Variants in COL4A4 observed in about 807,000 individuals in gnomAD.
COL4A4 encodes the protein collagen alpha-4(IV) chain.
Under a neutral mutation model 192.9 loss-of-function variants are expected in COL4A4, and 105 were observed. That is an observed-to-expected ratio of 0.54 (90% CI 0.46 to 0.64). COL4A4 has a LOEUF of 0.64. Among genes scored for constraint, COL4A4 ranks in the 30% least tolerant of loss-of-function variants. The pLI, the probability that COL4A4 is intolerant of heterozygous loss-of-function variation, is 0.00. For synonymous variants in COL4A4, 762 were observed against 769.9 expected, an observed-to-expected ratio of 0.99 and a Z score of 0.17; for missense variants, 1,967 against 2,169.3, an observed-to-expected ratio of 0.91 and a Z score of 1.85.
chr2:227,023,561 CAG>C (rs1966436611), intron 43 of COL4A4, among the ~76,000 whole-genome samples: 1 of 152,122 alleles, frequency 6.6e-6, no homozygotes, highest in Non-Finnish European at 1.5e-5. Context: ...GCAAACATCA[CAG>C]AGGGATAAGA....
intron 4 of COL4A4, among the ~76,000 whole-genome samples, chr2:227,124,055 T>C (rs1225413039): frequency 6.6e-6 from 1 of 152,198 alleles, no homozygotes; most frequent in Non-Finnish European, 1.5e-5. Flanking sequence ...ACTATTGTTA[T>C]TATATATTAT....
chr2:227,095,913 C>CA (rs1435342196), intron 19 of COL4A4, among the ~76,000 whole-genome samples: 34 of 150,678 alleles, frequency 2.3e-4, no homozygotes, highest in Admixed American at 4.6e-4. Context: ...CAAAAAGAAA[C>CA]AAAAAAAAAG....
At chr2:227,138,563 G>A (rs941812797) in intron 4 of COL4A4, among the ~76,000 whole-genome samples, 3 of 150,624 alleles carry the variant, frequency 2.0e-5, no homozygotes, top group Non-Finnish European at 4.4e-5. Flanking sequence ...AACCTGAGAG[G>A]CGGAGCGTGC....
chr2:227,083,670 T>C (rs1225890990), intron 22 of COL4A4, among the ~76,000 whole-genome samples: 1 of 152,144 alleles, frequency 6.6e-6, no homozygotes, highest in South Asian at 2.1e-4. Flanking sequence ...CCCAGGCTGG[T>C]CTCAAACTCC....
intron 4 of COL4A4, among the ~76,000 whole-genome samples, chr2:227,126,372 A>G (rs1416532065): frequency 2.0e-5 from 3 of 152,250 alleles, no homozygotes; most frequent in Admixed American, 2.0e-4. Context: ...GTTGGTTAAC[A>G]GTAATTATGC....
intron 12 of COL4A4, among the ~76,000 whole-genome samples, chr2:227,106,163 T>C (rs1576548785): frequency 1.3e-5 from 2 of 151,872 alleles, no homozygotes; most frequent in East Asian, 3.9e-4. Context: ...CCTAACACAG[T>C]GTTGGTGTAG....
intron 4 of COL4A4, among the ~76,000 whole-genome samples, chr2:227,124,639 G>A (rs140054070): frequency 1.8e-4 from 27 of 152,284 alleles, no homozygotes; most frequent in African/African-American, 6.3e-4. Context: ...AATACAAAGT[G>A]TAATTACGTG....
intron 37 of COL4A4, among the ~76,000 whole-genome samples, chr2:227,041,882 G>GA (rs1488463577): frequency 6.9e-6 from 1 of 145,548 alleles, no homozygotes; most frequent in African/African-American, 2.7e-5. Context: ...AAGAAAGAAA[G>GA]AAAGAAAGAA....
At chr2:227,041,900 AAG>A (rs1269042721) in intron 37 of COL4A4, among the ~76,000 whole-genome samples, 1 of 150,348 alleles carries the variant, frequency 6.7e-6, no homozygotes, top group South Asian at 2.1e-4. Flanking sequence ...GAAAGAAAGA[AAG>A]AAAGAAAGAA....
chr2:226,986,872 A>G, the COL4A4 span, among the ~76,000 whole-genome samples: 1 of 152,362 alleles, frequency 6.6e-6, no homozygotes, highest in African/African-American at 2.4e-5. Flanking sequence ...ATAAAGACAC[A>G]TGCACGTGTG....
At chr2:227,128,254 C>T (rs1454460639) in intron 4 of COL4A4, among the ~76,000 whole-genome samples, 2 of 152,224 alleles carry the variant, frequency 1.3e-5, no homozygotes, top group East Asian at 1.9e-4. Flanking sequence ...AAATCACGCT[C>T]ATGCCATGCC....
intron 37 of COL4A4, among the ~76,000 whole-genome samples, chr2:227,041,842 A>AAGAGAGAGAGAGAGAG (rs1271004493): frequency 1.6e-5 from 1 of 62,762 alleles, no homozygotes; most frequent in African/African-American, 8.6e-5. Flanking sequence ...GAAAGAAAGA[A>AAGAGAGAGAGAGAGAG]AGAAAGAGAA....
chr2:226,983,136 T>C, the COL4A4 span, among the ~76,000 whole-genome samples: 1 of 152,118 alleles, frequency 6.6e-6, no homozygotes. Context: ...TCAGAGTTTC[T>C]CAAAGTGGGG....
At chr2:227,013,154 G>A (rs1964160090) in intron 44 of COL4A4, among the ~76,000 whole-genome samples, 2 of 152,184 alleles carry the variant, frequency 1.3e-5, no homozygotes, top group African/African-American at 4.8e-5. Flanking sequence ...TCTCCCTTCG[G>A]TCAGGGGAGC....
chr2:226,997,854 T>G (rs1453629345), downstream of COL4A4: 7 of 152,224 alleles, frequency 4.6e-5, no homozygotes, highest in African/African-American at 1.7e-4. Flanking sequence ...TATAATTATT[T>G]TAGTTAATGG....
Position 227,077,903 on chromosome 2 carries a change from C to T in COL4A4, c.1978G>A (p.Gly660Ser). 4 of 1,612,878 alleles carry T rather than the reference C, an allele frequency of 2.5e-6. No homozygotes were observed. Among genetic ancestry groups the T allele is most frequent in the Non-Finnish European group, 3.4e-6 (4 of 1,179,904 alleles). ...PGVRGPDGLK[G>S]QKGDTISCNV... The stretch of plus-strand genomic sequence containing the variant: ...ATTTTTTTAAAATTACCTTTCTGAC[C>T]CTTCAAGCCATCAGGGCCCCTCACA... Residue 660 changes from glycine to serine, a missense_variant, in exon 25 of 48, where the codon GGT (glycine) becomes AGT (serine). Transcript: ENST00000396625.
intron 1 of COL4A4, among the ~76,000 whole-genome samples, chr2:227,150,933 T>C (rs1354995925): frequency 6.6e-6 from 1 of 151,958 alleles, no homozygotes; most frequent in African/African-American, 2.4e-5. Flanking sequence ...CTTAAAACTT[T>C]CATCTTCTCT....
chr2:227,140,333 T>C (rs2125294504), intron 3 of COL4A4, 95 bp from the exon 4 acceptor site: 1 of 990,392 alleles, frequency 1.0e-6, no homozygotes, highest in East Asian at 2.4e-5. Context: ...GGTTTACCTT[T>C]GACTCCATGA....
At chr2:226,975,276 T>A in the COL4A4 span, among the ~76,000 whole-genome samples, 2 of 152,062 alleles carry the variant, frequency 1.3e-5, no homozygotes, top group Non-Finnish European at 2.9e-5. Context: ...CTCATTTCAC[T>A]ACACACACAA....
Sources: gnomAD v4.1 joint callset for allele counts (sites outside exome capture counted in the v4.1 genomes callset) on GRCh38, gnomAD v4.1.1 for gene constraint, MANE v1.5 for transcripts, NCBI Gene and HGNC (gene_info 2026-07-23, HGNC 2026-07-21) for gene names.